Variants in TRAPPC10 observed in about 807,000 individuals in gnomAD.
TRAPPC10 encodes the protein trafficking protein particle complex subunit 10, also known as TRAPP 130 kDa subunit.
In TRAPPC10, 23 loss-of-function variants were observed where a neutral mutation model predicts 125.5. The ratio of observed to expected loss-of-function variants is 0.18; its 90% CI spans 0.13 to 0.26. The LOEUF is 0.26. Among genes scored for constraint, TRAPPC10 ranks in the 10% least tolerant of loss-of-function variants. TRAPPC10 has a pLI of 1.00. For synonymous variants in TRAPPC10, 509 were observed against 518.0 expected (o/e 0.98, Z 0.24); for missense variants, 1,123 against 1,308.4 (o/e 0.86, Z 2.19).
Position 44,083,010 on chromosome 21 carries a change from A to G in TRAPPC10, c.1946A>G (p.Lys649Arg). The change falls in exon 14 of 23, where the codon AAG becomes AGG. Residue 649 changes from lysine to arginine, a missense_variant. Transcript: ENST00000291574. ...RKTAEWLTKH[K>R]TSNGIINFPP... ...ACTGCGGAGTGGCTTACCAAGCACAAGACGTCCAATGGGATCATTAACTTT... is the reference window on the plus strand; with the variant it reads ...ACTGCGGAGTGGCTTACCAAGCACAGGACGTCCAATGGGATCATTAACTTT... The G allele has an allele frequency of 6.2e-7, 1 of 1,614,134 alleles. No individual in the cohort carries two copies. Among genetic ancestry groups the G allele is most frequent in the South Asian group, 1.1e-5 (1 of 91,080 alleles).
intron 1 of TRAPPC10, among the ~76,000 whole-genome samples, chr21:44,023,842 G>A (rs7275501): frequency 2.0e-5 from 3 of 152,088 alleles, no homozygotes; most frequent in Admixed American, 6.5e-5. Flanking sequence ...GCAATGGCAC[G>A]ATCTCAGCCC....
chr21:44,064,344 T>TGTGA (rs1555947834), intron 7 of TRAPPC10, among the ~76,000 whole-genome samples: 1 of 151,448 alleles, frequency 6.6e-6, no homozygotes, highest in Non-Finnish European at 1.5e-5. Flanking sequence ...TGTGTGAGTG[T>TGTGA]GAGAATGTAG....
At chr21:44,032,002 C>A in intron 1 of TRAPPC10, 89 bp from the exon 2 acceptor site, 1 of 1,092,336 alleles carries the variant, frequency 9.2e-7, no homozygotes, top group Non-Finnish European at 1.4e-6. Context: ...ATAAAACTAC[C>A]TAAAAACACC....
intron 4 of TRAPPC10, 73 bp from the exon 5 acceptor site, chr21:44,055,625 A>C (rs2035533493): frequency 3.2e-6 from 4 of 1,237,420 alleles, no homozygotes; most frequent in African/African-American, 1.5e-5. Context: ...GCCGCTCAGG[A>C]CAATGGCAGC....
Position 44,087,855 on chromosome 21 carries a change from G to A in TRAPPC10, c.2696G>A (p.Gly899Glu). 6.2e-7 allele frequency: 1 copy of A among 1,614,210 alleles called. No individual in the cohort carries two copies. Among genetic ancestry groups the A allele is most frequent in the African/African-American group, 1.3e-5 (1 of 75,056 alleles). The change falls in exon 17 of 23, where the codon GGG becomes GAG. Residue 899 changes from glycine to glutamate, a missense_variant. This residue lies in a region of TRAPPC10 where 840 missense variants were observed against 902.0 expected (regional missense o/e 0.93). Coordinates refer to ENST00000291574, the MANE Select transcript of TRAPPC10 (RefSeq NM_003274.5). The surrounding 1 kb of genome is among the most constrained non-coding windows in gnomAD (Gnocchi z 4.6). ...PALGGESDML[G>E]MAEPHRKHKD... ...CTCGGAGGGGAGAGTGACATGCTGG[G>A]GATGGCAGAGCCCCACAGGAAGCAT...
chr21:44,031,654 T>A (rs2033594044), intron 1 of TRAPPC10, among the ~76,000 whole-genome samples: 1 of 152,232 alleles, frequency 6.6e-6, no homozygotes, highest in East Asian at 1.9e-4. Flanking sequence ...CTATAAATTT[T>A]AGCTCCTCCT....
chr21:44,093,483 C>T (rs1015277561), intron 19 of TRAPPC10, among the ~76,000 whole-genome samples: 3 of 149,868 alleles, frequency 2.0e-5, no homozygotes, highest in South Asian at 4.2e-4. Context: ...ATCAGCGGGG[C>T]GTGGTGGCTC....
At chr21:44,062,028 A>G (rs952966610) in intron 6 of TRAPPC10, among the ~76,000 whole-genome samples, 1 of 152,254 alleles carries the variant, frequency 6.6e-6, no homozygotes, top group Admixed American at 6.5e-5. Flanking sequence ...GCAGCAGAAT[A>G]GGTGCTGGGC....
intron 1 of TRAPPC10, among the ~76,000 whole-genome samples, chr21:44,027,881 C>T (rs765489752): frequency 5.3e-5 from 8 of 152,112 alleles, no homozygotes; most frequent in African/African-American, 7.2e-5. Context: ...CCTTCCCCCA[C>T]GTGAGGGCAC....
In TRAPPC10 at chr21:44,035,096, T is replaced by G. The variant is rs1601604663; in HGVS notation, c.150-2696T>G. Among the ~76,000 whole-genome samples the G allele has an allele frequency of 1.3e-5, 2 of 152,322 alleles. 1 individual carries two copies. Among genetic ancestry groups the G allele is most frequent in the South Asian group, 4.1e-4 (2 of 4,826 alleles). ...GAGCAGGTACTTGGTGTAGTTTGGA[T>G]GTGTCCCCAAACATTCTTGCATTGG... On this transcript the variant is annotated intron_variant, in intron 2 of 22. Coordinates refer to ENST00000291574, the MANE Select transcript of TRAPPC10 (RefSeq NM_003274.5).
At chr21:44,041,652 G>C (rs926359315) in intron 3 of TRAPPC10, among the ~76,000 whole-genome samples, 1 of 151,920 alleles carries the variant, frequency 6.6e-6, no homozygotes, top group Non-Finnish European at 1.5e-5. Flanking sequence ...GATTACAGGC[G>C]TGAGCCACCA....
chr21:44,074,501 CGTT>C (rs778649600), intron 8 of TRAPPC10, 31 bp downstream of exon 8: 5 of 1,613,290 alleles, frequency 3.1e-6, no homozygotes, highest in South Asian at 1.1e-5. Flanking sequence ...GGAATGCTCA[CGTT>C]GTCTCTGCGG....
intron 1 of TRAPPC10, among the ~76,000 whole-genome samples, chr21:44,022,053 T>C (rs1212548627): frequency 6.6e-6 from 1 of 151,932 alleles, no homozygotes; most frequent in Non-Finnish European, 1.5e-5. Flanking sequence ...CTTTCTTTTT[T>C]TTTTTCTTTC....
chr21:44,058,293 TG>T (rs1276506650), intron 5 of TRAPPC10, among the ~76,000 whole-genome samples: 3 of 144,798 alleles, frequency 2.1e-5, no homozygotes, highest in African/African-American at 5.2e-5. Flanking sequence ...GGCCATGGAG[TG>T]GGGCAGCGCA....
At chr21:44,094,337 T>C in intron 20 of TRAPPC10, 104 bp downstream of exon 20, 1 of 1,124,136 alleles carries the variant, frequency 8.9e-7, no homozygotes, top group South Asian at 1.5e-5. Context: ...GTCAACATAA[T>C]GAAGGAGCAG....
At position 44,090,051 on chromosome 21, in the gene TRAPPC10, A is replaced by G. The variant is rs1025999376; in HGVS notation, c.2870+118A>G. ...CAAGGATGTCTTCTTATGTGACCAC[A>G]AGGCCATTGTTTGTGTCTTAAAATC... On this transcript the variant is annotated intron_variant, in intron 18 of 22. Transcript: ENST00000291574. The G allele has an allele frequency of 8.8e-6, 6 of 682,240 alleles. No homozygotes were observed. In the Admixed American group the frequency reaches 1.6e-4, roughly 18 times the overall value. The allele number at this position is 682,240 out of a possible 1,614,324, so 42.3% of individuals were successfully genotyped here.
intron 20 of TRAPPC10, among the ~76,000 whole-genome samples, chr21:44,094,781 G>A (rs1346410618): frequency 2.7e-5 from 4 of 150,144 alleles, no homozygotes; most frequent in Non-Finnish European, 4.4e-5. Flanking sequence ...GAGATGATTT[G>A]ACTTAATGTT....
chr21:44,067,509 A>T (rs1443246633), intron 7 of TRAPPC10, among the ~76,000 whole-genome samples: 2 of 152,168 alleles, frequency 1.3e-5, no homozygotes, highest in African/African-American at 4.8e-5. Flanking sequence ...AGAAGAACTG[A>T]TGGCTCACTG....
Position 44,052,277 on chromosome 21 carries a change from T to C in TRAPPC10, c.286-3T>C, listed in dbSNP as rs1479348667. 6.4e-7 allele frequency: 1 copy of C among 1,570,638 alleles called. No homozygotes were observed. The highest frequency in any genetic ancestry group is 2.1e-5 in the Admixed American group (1 of 48,426). On this transcript the variant is annotated splice_region_variant and splice_polypyrimidine_tract_variant and intron_variant, in intron 3 of 22. Transcript: ENST00000291574. ...GCTTTCACAGTGACTTGTTTGTTTT[T>C]AGGATACCGAAGTGTATAAAGCTAC... is the stretch of plus-strand genomic sequence containing the variant.
Sources: gnomAD v4.1 joint callset for allele counts (sites outside exome capture counted in the v4.1 genomes callset) on GRCh38, gnomAD v4.1.1 for gene constraint, gnomAD v4.1.1 regional missense constraint, Gnocchi (gnomAD v3.1) non-coding constraint, MANE v1.5 for transcripts, NCBI Gene and HGNC (gene_info 2026-07-23, HGNC 2026-07-21) for gene names.